Variants in MCTP1 observed in about 807,000 individuals in gnomAD.
MCTP1 encodes the protein multiple C2 and transmembrane domain containing 1.
MCTP1 carries 69 observed loss-of-function variants against 120.6 expected under a neutral mutation model. The ratio of observed to expected loss-of-function variants is 0.57; its 90% CI spans 0.47 to 0.70. MCTP1 has a LOEUF of 0.70. Among genes scored for constraint, MCTP1 ranks in the 30% least tolerant of loss-of-function variants. The probability of loss-of-function intolerance (pLI) is 0.00; values close to 1 mark genes in which losing one functional copy is unlikely to be tolerated. For synonymous variants in MCTP1, 529 were observed against 493.1 expected, an observed-to-expected ratio of 1.07 and a Z score of -0.96; for missense variants, 1,203 against 1,248.8, an observed-to-expected ratio of 0.96 and a Z score of 0.55.
intron 1 of MCTP1, among the ~76,000 whole-genome samples, chr5:95,187,546 C>T (rs1016068206): frequency 1.3e-5 from 2 of 152,116 alleles, no homozygotes; most frequent in African/African-American, 4.8e-5. Flanking sequence ...ACTACAGGCA[C>T]CCGCCACCAC....
intron 10 of MCTP1, among the ~76,000 whole-genome samples, chr5:94,905,467 A>G (rs551972928): frequency 6.6e-6 from 1 of 152,302 alleles, no homozygotes; most frequent in Non-Finnish European, 1.5e-5. Context: ...GAAGAACAGG[A>G]GGCTGTTGCT....
At chr5:95,279,052 T>C (rs993239814) in intron 1 of MCTP1, among the ~76,000 whole-genome samples, 4 of 152,020 alleles carry the variant, frequency 2.6e-5, no homozygotes, top group Admixed American at 6.5e-5. Flanking sequence ...AGAAAAAATA[T>C]ATATAACCTA....
intron 1 of MCTP1, among the ~76,000 whole-genome samples, chr5:95,201,542 T>C (rs1285094977): frequency 7.4e-6 from 1 of 135,072 alleles, no homozygotes; most frequent in African/African-American, 2.8e-5. Flanking sequence ...TCTCGCTTTG[T>C]TGCCCAGGCT....
intron 17 of MCTP1, among the ~76,000 whole-genome samples, chr5:94,853,254 T>C (rs1794098285): frequency 6.6e-6 from 1 of 151,948 alleles, no homozygotes; most frequent in African/African-American, 2.4e-5. Context: ...TTTATATTCT[T>C]ACATTGAATT....
At chr5:95,162,334 A>G (rs1423058691) in intron 1 of MCTP1, among the ~76,000 whole-genome samples, 1 of 152,198 alleles carries the variant, frequency 6.6e-6, no homozygotes, top group Non-Finnish European at 1.5e-5. Context: ...TATTTTTGAA[A>G]AAGTAATGAA....
intron 18 of MCTP1, among the ~76,000 whole-genome samples, chr5:94,790,630 T>G (rs1214264435): frequency 6.6e-6 from 1 of 152,178 alleles, no homozygotes; most frequent in Non-Finnish European, 1.5e-5. Context: ...TTAAAATGGA[T>G]GCCTAAGCAG....
intron 1 of MCTP1, among the ~76,000 whole-genome samples, chr5:95,164,463 C>G (rs1295274520): frequency 6.6e-6 from 1 of 152,178 alleles, no homozygotes; most frequent in East Asian, 1.9e-4. Context: ...ATGCTTCATA[C>G]AGCAAATTAA....
intron 2 of MCTP1, among the ~76,000 whole-genome samples, chr5:94,971,091 A>G (rs1002716061): frequency 6.6e-6 from 1 of 152,104 alleles, no homozygotes; most frequent in Non-Finnish European, 1.5e-5. Context: ...ACATGTCTAC[A>G]AGAACTATGA....
intron 11 of MCTP1, among the ~76,000 whole-genome samples, chr5:94,893,905 A>G (rs1803274135): frequency 6.6e-6 from 1 of 152,196 alleles, no homozygotes; most frequent in Non-Finnish European, 1.5e-5. Flanking sequence ...ATGGGTACTA[A>G]GGCATTTACT....
At chr5:95,166,206 C>A (rs550499750) in intron 1 of MCTP1, 1 of 152,120 alleles carries the variant, frequency 6.6e-6, no homozygotes, top group South Asian at 2.1e-4. Context: ...CACTTTTTCC[C>A]CTATGGACAA....
chr5:95,234,832 T>C (rs1755359865), intron 1 of MCTP1, among the ~76,000 whole-genome samples: 2 of 152,024 alleles, frequency 1.3e-5, no homozygotes. Flanking sequence ...AGCAAATAAA[T>C]TGAATTTGCA....
At chr5:94,936,102 G>A (rs921751556) in intron 5 of MCTP1, among the ~76,000 whole-genome samples, 3 of 151,920 alleles carry the variant, frequency 2.0e-5, no homozygotes, top group African/African-American at 7.2e-5. Flanking sequence ...TCCATGGGAA[G>A]AGCAATAAGG....
Position 94,917,923 on chromosome 5 carries a change from AAGCTCTG to A in MCTP1, c.1316_1322del (p.Ala439ValfsTer31). On this transcript the variant is annotated frameshift_variant, in exon 8 of 23. Transcript: ENST00000515393. LOFTEE classifies it high-confidence loss of function. Reference sequence around the variant, plus strand: ...GTACATTTTTGCAATAAGGATTCTGAAGCTCTGCTCTGCAGAAGCCCAGGACAGGAAG... The same window carrying A: ...GTACATTTTTGCAATAAGGATTCTGACTCTGCAGAAGCCCAGGACAGGAAG... 1.2e-5 allele frequency: 20 copies of A among 1,613,984 alleles called. No individual in the cohort carries two copies. Among genetic ancestry groups the A allele is most frequent in the Non-Finnish European group, 1.7e-5 (20 of 1,179,878 alleles).
At chr5:94,894,118 C>A (rs1396518251) in intron 11 of MCTP1, among the ~76,000 whole-genome samples, 4 of 152,082 alleles carry the variant, frequency 2.6e-5, no homozygotes, top group African/African-American at 4.8e-5. Context: ...CACATTCGAT[C>A]AAAAAGCAGA....
At chr5:95,252,653 A>T (rs767161447) in intron 1 of MCTP1, among the ~76,000 whole-genome samples, 6 of 152,090 alleles carry the variant, frequency 3.9e-5, no homozygotes, top group Non-Finnish European at 8.8e-5. Flanking sequence ...TGGGTCTAGG[A>T]TCTACTTTCA....
At chr5:94,909,454 C>A (rs759087655) in intron 9 of MCTP1, 73 bp from the exon 10 acceptor site, 1 of 1,480,206 alleles carries the variant, frequency 6.8e-7, no homozygotes, top group South Asian at 1.3e-5. Context: ...GACACTAAAT[C>A]AAACTTTTGG....
chr5:94,926,382 A>C (rs1401946318), intron 6 of MCTP1, among the ~76,000 whole-genome samples: 1 of 151,396 alleles, frequency 6.6e-6, no homozygotes. Context: ...TTAAGAGATT[A>C]AAAAATAAAT....
At chr5:94,809,248 TG>T (rs1398062629) in intron 17 of MCTP1, among the ~76,000 whole-genome samples, 1 of 151,814 alleles carries the variant, frequency 6.6e-6, no homozygotes, top group Admixed American at 6.6e-5. Context: ...TTTATTTAAA[TG>T]TTTTTTTTTT....
At chr5:94,729,071 C>T (rs1762643822) in intron 19 of MCTP1, among the ~76,000 whole-genome samples, 1 of 152,104 alleles carries the variant, frequency 6.6e-6, no homozygotes, top group South Asian at 2.1e-4. Context: ...GGTACATGGG[C>T]TGGACAGTGA....
Sources: gnomAD v4.1 joint callset for allele counts (sites outside exome capture counted in the v4.1 genomes callset) on GRCh38, gnomAD v4.1.1 for gene constraint, MANE v1.5 for transcripts, NCBI Gene and HGNC (gene_info 2026-07-23, HGNC 2026-07-21) for gene names.